The following MALRD1 variants were observed in gnomAD, a reference collection of about 807,000 sequenced individuals.
The protein encoded by MALRD1 is MAM and LDL-receptor class A domain-containing protein 1.
Under a neutral mutation model 242.1 loss-of-function variants are expected in MALRD1, and 247 were observed. The ratio of observed to expected loss-of-function variants is 1.02; its 90% CI spans 0.92 to 1.13. The LOEUF (loss-of-function observed/expected upper bound fraction) is 1.13, where lower values mean the gene tolerates loss of function less well. MALRD1 is among the 50% of genes most tolerant of loss of function. MALRD1 has a pLI of 0.00. For missense variants in MALRD1, 2,989 were observed against 2,533.1 expected (o/e 1.18, Z -3.86); for synonymous variants, 995 against 866.6 (o/e 1.15, Z -2.60).
At chr10:19,269,197 A>G (rs936165888) in intron 19 of MALRD1, among the ~76,000 whole-genome samples, 1 of 152,212 alleles carries the variant, frequency 6.6e-6, no homozygotes, top group African/African-American at 2.4e-5. Context: ...TCCACAATTC[A>G]TATCTTGAAA....
intron 18 of MALRD1, among the ~76,000 whole-genome samples, chr10:19,211,495 C>G (rs1837064837): frequency 6.6e-6 from 1 of 151,488 alleles, no homozygotes; most frequent in African/African-American, 2.4e-5. Context: ...GAGATCAAGA[C>G]CAGCCTGGGC....
At position 19,200,614 on chromosome 10, in the gene MALRD1, T is replaced by C. The variant is rs151324635; in HGVS notation, c.1952-3114T>C. Among the ~76,000 whole-genome samples, 707 of 149,030 alleles carry C rather than the reference T, an allele frequency of 4.7e-3. 5 individuals carry two copies. The highest frequency in any genetic ancestry group is 0.016 in the African/African-American group (666 of 40,904). On this transcript the variant is annotated intron_variant, in intron 14 of 39. Transcript: ENST00000454679. ...TCTGAAATAAGAAAGAATCTGATTC[T>C]GGGCTTTTTTTTTCTCCCTCCCTGC...
chr10:19,343,428 A>G, intron 24 of MALRD1, among the ~76,000 whole-genome samples: 1 of 152,114 alleles, frequency 6.6e-6, no homozygotes, highest in East Asian at 1.9e-4. Context: ...TGTGTAAAGC[A>G]TCATTGCCAC....
chr10:19,292,220 A>G (rs189940847), intron 21 of MALRD1, among the ~76,000 whole-genome samples: 27 of 151,556 alleles, frequency 1.8e-4, no homozygotes, highest in Non-Finnish European at 3.5e-4. Context: ...TGCTTCATTT[A>G]TTGTACAATA....
intron 5 of MALRD1, among the ~76,000 whole-genome samples, chr10:19,122,331 C>T (rs1355663570): frequency 1.3e-5 from 2 of 152,044 alleles, no homozygotes; most frequent in Admixed American, 6.6e-5. Context: ...GACAAGGAAA[C>T]GTTATCATCA....
At chr10:19,653,047 C>T (rs987991620) in intron 36 of MALRD1, among the ~76,000 whole-genome samples, 1 of 152,202 alleles carries the variant, frequency 6.6e-6, no homozygotes, top group African/African-American at 2.4e-5. Flanking sequence ...GTATCTGCCT[C>T]TCTTATTCAG....
At chr10:19,287,273 G>C (rs1841171429) in intron 21 of MALRD1, among the ~76,000 whole-genome samples, 1 of 151,966 alleles carries the variant, frequency 6.6e-6, no homozygotes, top group South Asian at 2.1e-4. Flanking sequence ...ATAGGTGCTA[G>C]TCCATATTTA....
intron 36 of MALRD1, among the ~76,000 whole-genome samples, chr10:19,669,184 C>A (rs1267953306): frequency 1.3e-5 from 2 of 152,182 alleles, no homozygotes; most frequent in Non-Finnish European, 2.9e-5. Context: ...AATGGAGAAG[C>A]TCTCTAGAAG....
At chr10:19,211,140 G>T (rs1460530363) in intron 18 of MALRD1, among the ~76,000 whole-genome samples, 9 of 152,068 alleles carry the variant, frequency 5.9e-5, no homozygotes, top group Admixed American at 5.9e-4. Flanking sequence ...TTTACTCAAG[G>T]ATTGGTTTCC....
intron 22 of MALRD1, among the ~76,000 whole-genome samples, chr10:19,325,871 A>C (rs929258062): frequency 6.6e-6 from 1 of 152,134 alleles, no homozygotes; most frequent in Non-Finnish European, 1.5e-5. Flanking sequence ...CTGCTAGGTC[A>C]TACGTTTTCC....
intron 26 of MALRD1, among the ~76,000 whole-genome samples, chr10:19,370,601 T>C (rs1028532344): frequency 2.0e-5 from 3 of 152,150 alleles, no homozygotes; most frequent in African/African-American, 4.8e-5. Context: ...TTTGAGACAG[T>C]CTCACTGGCT....
At chr10:19,162,533 G>A (rs1050823611) in intron 12 of MALRD1, among the ~76,000 whole-genome samples, 1 of 152,134 alleles carries the variant, frequency 6.6e-6, no homozygotes, top group African/African-American at 2.4e-5. Context: ...CCATACTTGA[G>A]TACTGCTTAT....
rs940192358 is a variant in MALRD1 at position 19,692,374 on chromosome 10, A to T, written c.6217+13A>T. ...TACGCTCAGAATAGTAGGTGACATT[A>T]TGACTAAATAAATGGCTTGGTTTGG... is the stretch of plus-strand genomic sequence containing the variant. On this transcript the variant is annotated intron_variant, in intron 37 of 39. Transcript: ENST00000454679. The T allele has an allele frequency of 6.5e-7, 1 of 1,533,770 alleles. No homozygotes were observed.
intron 29 of MALRD1, among the ~76,000 whole-genome samples, chr10:19,457,026 A>G (rs548512504): frequency 6.6e-6 from 1 of 152,288 alleles, no homozygotes; most frequent in South Asian, 2.1e-4. Context: ...AGTGCTTTAT[A>G]CAATAATTCT....
intron 12 of MALRD1, among the ~76,000 whole-genome samples, chr10:19,158,832 A>G (rs543493494): frequency 2.0e-5 from 3 of 152,312 alleles, no homozygotes; most frequent in East Asian, 3.9e-4. Flanking sequence ...TCTCTCTCAA[A>G]GAGTTTTAAA....
intron 2 of MALRD1, among the ~76,000 whole-genome samples, chr10:19,069,396 A>G (rs1394784208): frequency 6.6e-6 from 1 of 152,036 alleles, no homozygotes; most frequent in Non-Finnish European, 1.5e-5. Flanking sequence ...TATAAGCCCT[A>G]CAAATCAATG....
At chr10:19,396,522 T>C (rs1345393867) in intron 28 of MALRD1, among the ~76,000 whole-genome samples, 2 of 152,200 alleles carry the variant, frequency 1.3e-5, no homozygotes, top group Non-Finnish European at 2.9e-5. Flanking sequence ...ATACTTTGTT[T>C]TCTAATTTTA....
rs762460009 is a variant in MALRD1 at position 19,141,058 on chromosome 10, TTTTA to T, written c.1411+4281_1411+4284del. ...ATTACATTGCGTACCTTAGTTACAA[TTTTA>T]TTTGTCACTTATACATCAATAAAGC... On this transcript the variant is annotated intron_variant, in intron 10 of 39. Coordinates refer to ENST00000454679, the MANE Select transcript of MALRD1 (RefSeq NM_001142308.3). Among the ~76,000 whole-genome samples, 15 of 152,328 alleles carry T rather than the reference TTTTA, an allele frequency of 9.8e-5. No homozygotes were observed. In the South Asian group the frequency reaches 1.0e-3, roughly 11 times the overall value.
intron 38 of MALRD1, among the ~76,000 whole-genome samples, chr10:19,713,250 A>T (rs537626072): frequency 2.2e-4 from 33 of 152,310 alleles, no homozygotes; most frequent in South Asian, 1.7e-3. Flanking sequence ...CAGACATAAA[A>T]TTACTCTGTC....
Sources: allele counts gnomAD v4.1 joint callset (sites outside exome capture counted in the v4.1 genomes callset), GRCh38; gene constraint gnomAD v4.1.1; transcripts MANE v1.5; gene names NCBI Gene and HGNC (gene_info 2026-07-23, HGNC 2026-07-21).